SLC16A7: variants seen among roughly 807,000 people sequenced by gnomAD.
SLC16A7 encodes solute carrier family 16 member 7.
Under a neutral mutation model 34.9 loss-of-function variants are expected in SLC16A7, and 33 were observed. That is an observed-to-expected ratio of 0.94 (90% CI 0.72 to 1.26). The LOEUF (loss-of-function observed/expected upper bound fraction) is 1.26. Among genes scored for constraint, SLC16A7 ranks in the 50% most tolerant of loss-of-function variants. The pLI is 0.00. For synonymous variants in SLC16A7, 201 were observed against 206.6 expected (o/e 0.97, Z 0.23); for missense variants, 573 against 578.1 (o/e 0.99, Z 0.09).
At chr12:59,760,323 G>A (rs1880870960) in intron 3 of SLC16A7, among the ~76,000 whole-genome samples, 1 of 151,940 alleles carries the variant, frequency 6.6e-6, no homozygotes, top group Admixed American at 6.6e-5. Flanking sequence ...CACATCTCTA[G>A]GTCCTCCCAG....
At chr12:59,615,225 G>A (rs970067146) in intron 1 of SLC16A7, among the ~76,000 whole-genome samples, 4 of 151,812 alleles carry the variant, frequency 2.6e-5, no homozygotes, top group African/African-American at 9.7e-5. Context: ...ATAAATATAA[G>A]AAATAAATTT....
At chr12:59,719,237 A>G (rs1189646905) in intron 3 of SLC16A7, among the ~76,000 whole-genome samples, 1 of 152,218 alleles carries the variant, frequency 6.6e-6, no homozygotes, top group Non-Finnish European at 1.5e-5. Flanking sequence ...TTTGAAACAG[A>G]CAATACCTGT....
At chr12:59,642,943 T>A (rs1419167265) in intron 1 of SLC16A7, among the ~76,000 whole-genome samples, 1 of 152,124 alleles carries the variant, frequency 6.6e-6, no homozygotes, top group Non-Finnish European at 1.5e-5. Context: ...GAAAGTTTAT[T>A]GTAGAGCCAT....
intron 2 of SLC16A7, among the ~76,000 whole-genome samples, chr12:59,704,479 G>A (rs1195728276): frequency 6.6e-6 from 1 of 152,066 alleles, no homozygotes; most frequent in Admixed American, 6.6e-5. Flanking sequence ...GATGTATAAT[G>A]TAAAATGGTA....
chr12:59,727,843 T>G (rs1167276875), intron 3 of SLC16A7, among the ~76,000 whole-genome samples: 6 of 152,120 alleles, frequency 3.9e-5, no homozygotes, highest in Non-Finnish European at 2.9e-5. Flanking sequence ...ATGACAAATT[T>G]TAGTTTATGA....
At position 59,784,685 on chromosome 12, in the gene SLC16A7, C is replaced by A. The variant is rs2137506641; in HGVS notation, c.*5006C>A. 6.6e-6 allele frequency: 1 copy of A among 152,146 alleles called. No individual in the cohort carries two copies. Among genetic ancestry groups the A allele is most frequent in the East Asian group, 1.9e-4 (1 of 5,188 alleles). The allele number at this position is 152,146 out of a possible 1,614,324, so 9.4% of individuals were successfully genotyped here. A position where few individuals can be genotyped will look rare whatever the true frequency, so the allele number is the denominator to read the frequency against. Reference sequence around the variant, plus strand: ...TTTGCAGTCCTTAGACTATAGTTCTCCTTAGCTCTATTCAAATAGTGCACT... The same window carrying A: ...TTTGCAGTCCTTAGACTATAGTTCTACTTAGCTCTATTCAAATAGTGCACT... On this transcript the variant is annotated 3_prime_UTR_variant, in exon 6 of 6. Transcript: ENST00000547379.
At chr12:59,652,763 A>T (rs1412844489) in intron 1 of SLC16A7, among the ~76,000 whole-genome samples, 1 of 151,796 alleles carries the variant, frequency 6.6e-6, no homozygotes, top group African/African-American at 2.4e-5. Context: ...TAGAAAAGTA[A>T]GTATAGCATA....
chr12:59,749,149 G>T (rs1879221794), intron 3 of SLC16A7, among the ~76,000 whole-genome samples: 1 of 152,176 alleles, frequency 6.6e-6, no homozygotes, highest in South Asian at 2.1e-4. Flanking sequence ...AATTAGCATT[G>T]AGAATTTAAG....
chr12:59,739,565 G>A (rs1335944603), intron 3 of SLC16A7, among the ~76,000 whole-genome samples: 1 of 144,654 alleles, frequency 6.9e-6, no homozygotes, highest in Non-Finnish European at 1.5e-5. Flanking sequence ...ACCCAGTAAT[G>A]GGATGGCTGG....
intron 1 of SLC16A7, among the ~76,000 whole-genome samples, chr12:59,632,543 C>G (rs923712215): frequency 2.0e-5 from 3 of 151,876 alleles, no homozygotes; most frequent in Non-Finnish European, 4.4e-5. Context: ...TAATCCTGTA[C>G]TTGCACAACC....
At chr12:59,696,362 G>T (rs1324314477) in intron 2 of SLC16A7, 3 of 151,888 alleles carry the variant, frequency 2.0e-5, no homozygotes, top group Admixed American at 6.6e-5. Context: ...ATTCAAATAT[G>T]CATGTAACAA....
chr12:59,661,817 A>G (rs1868867068), intron 2 of SLC16A7, among the ~76,000 whole-genome samples: 1 of 152,124 alleles, frequency 6.6e-6, no homozygotes, highest in Non-Finnish European at 1.5e-5. Flanking sequence ...GACTGATGCC[A>G]TCTTTCTCTT....
intron 1 of SLC16A7, among the ~76,000 whole-genome samples, chr12:59,609,671 A>C (rs556488642): frequency 6.0e-4 from 91 of 152,084 alleles, no homozygotes; most frequent in Non-Finnish European, 1.1e-3. Context: ...AAAATCTATG[A>C]GCTATTTTAA....
intron 3 of SLC16A7, among the ~76,000 whole-genome samples, chr12:59,725,219 C>A (rs1876095071): frequency 6.6e-6 from 1 of 152,012 alleles, no homozygotes; most frequent in East Asian, 1.9e-4. Flanking sequence ...ACTTTCAACT[C>A]CATAGAACTT....
intron 3 of SLC16A7, among the ~76,000 whole-genome samples, chr12:59,715,375 T>A (rs1312217376): frequency 6.6e-6 from 1 of 152,202 alleles, no homozygotes; most frequent in Non-Finnish European, 1.5e-5. Flanking sequence ...TATTCCTGAA[T>A]TAAGCTTATT....
At chr12:59,611,673 C>T (rs531437967) in intron 1 of SLC16A7, among the ~76,000 whole-genome samples, 1 of 152,276 alleles carries the variant, frequency 6.6e-6, no homozygotes, top group East Asian at 1.9e-4. Context: ...GTCTATGAGC[C>T]TGTAAAATCA....
chr12:59,779,475 G>A lies in SLC16A7; in HGVS notation c.1233G>A (p.Gly411=), dbSNP rs757109929. 1.2e-6 allele frequency: 2 copies of A among 1,611,362 alleles called. No individual in the cohort carries two copies. Among genetic ancestry groups the A allele is most frequent in the African/African-American group, 2.7e-5 (2 of 74,830 alleles). Residue 411 remains glycine (G), a synonymous_variant, in exon 6 of 6, where the codon GGG becomes GGA. Coordinates refer to ENST00000547379, the MANE Select transcript of SLC16A7 (RefSeq NM_001270623.2). ...GEYKYMYMSC[G]AIVVAASVWL... ...ATAAATACATGTACATGTCCTGTGGGGCTATTGTGGTAGCAGCAAGCGTGT... is the reference window on the plus strand; with the variant it reads ...ATAAATACATGTACATGTCCTGTGGAGCTATTGTGGTAGCAGCAAGCGTGT...
At chr12:59,655,493 G>A (rs375392195) in intron 2 of SLC16A7, among the ~76,000 whole-genome samples, 41 of 151,824 alleles carry the variant, frequency 2.7e-4, no homozygotes, top group Non-Finnish European at 5.3e-4. Flanking sequence ...ATAAAAAGAA[G>A]CTAAATATAA....
In SLC16A7 at chr12:59,784,474, A is replaced by T. The variant is rs1281962195; in HGVS notation, c.*4795A>T. ...ATCCGTAGCTACCAAAAAAAAGATT[A>T]TAAGATACAAATGATTTGGTTTACC... On this transcript the variant is annotated 3_prime_UTR_variant, in exon 6 of 6. Transcript: ENST00000547379. 1 of 152,236 alleles carries T rather than the reference A, an allele frequency of 6.6e-6. No individual in the cohort carries two copies. The highest frequency in any genetic ancestry group is 1.9e-4 in the East Asian group (1 of 5,204). The allele number at this position is 152,236 out of a possible 1,614,324, so 9.4% of individuals were successfully genotyped here.
Sources: allele counts gnomAD v4.1 joint callset (sites outside exome capture counted in the v4.1 genomes callset), GRCh38; gene constraint gnomAD v4.1.1; transcripts MANE v1.5; gene names NCBI Gene and HGNC (gene_info 2026-07-23, HGNC 2026-07-21).